The following DOK6 variants were observed in gnomAD, a reference collection of about 807,000 sequenced individuals.
The protein encoded by DOK6 is docking protein 6.
A neutral mutation model predicts 44.0 loss-of-function variants in DOK6; 22 were observed. That is an observed-to-expected ratio of 0.50 (90% CI 0.36 to 0.71). The LOEUF (loss-of-function observed/expected upper bound fraction) is 0.71, where lower values mean the gene tolerates loss of function less well. DOK6 is among the 30% of genes least tolerant of loss of function. DOK6 has a pLI of 0.00. For synonymous variants in DOK6, 166 were observed against 145.5 expected, an observed-to-expected ratio of 1.14 and a Z score of -1.01; for missense variants, 340 against 416.4, an observed-to-expected ratio of 0.82 and a Z score of 1.60.
chr18:69,735,674 G>C (rs918621051), intron 5 of DOK6, among the ~76,000 whole-genome samples: 2 of 152,178 alleles, frequency 1.3e-5, no homozygotes, highest in Non-Finnish European at 2.9e-5. Flanking sequence ...AGCTATTCAG[G>C]CTCCAGGCTG....
rs144666347 is a variant in DOK6, at chr18:69,831,574, T to C, written c.857-9670T>C. ...TCAATGAACAGTGGTTATTATATTA[T>C]GGCTTTTCTACATCACTGTCTTTAT... is the stretch of plus-strand genomic sequence containing the variant. On this transcript the variant is annotated intron_variant, in intron 7 of 7. Transcript: ENST00000382713. Among the ~76,000 whole-genome samples, 750 of 152,328 alleles carry C rather than the reference T, an allele frequency of 4.9e-3. 24 individuals carry two copies. The highest frequency in any genetic ancestry group is 0.04 in the Admixed American group (615 of 15,294).
At chr18:69,484,587 G>A (rs1193715712) in intron 1 of DOK6, among the ~76,000 whole-genome samples, 1 of 152,118 alleles carries the variant, frequency 6.6e-6, no homozygotes, top group East Asian at 1.9e-4. Context: ...GGTTCTCAGA[G>A]CCTCAGGTCA....
At chr18:69,596,286 C>A (rs1166799984) in intron 2 of DOK6, among the ~76,000 whole-genome samples, 3 of 151,944 alleles carry the variant, frequency 2.0e-5, no homozygotes, top group African/African-American at 7.3e-5. Context: ...AGAAATCAGC[C>A]TGCAAATAGT....
At chr18:69,527,938 C>CG (rs751850252) in intron 1 of DOK6, among the ~76,000 whole-genome samples, 24 of 152,080 alleles carry the variant, frequency 1.6e-4, no homozygotes, top group Admixed American at 5.2e-4. Flanking sequence ...CCAAGGCGGG[C>CG]GGATCACGAG....
At chr18:69,572,273 T>C (rs987830524) in intron 2 of DOK6, among the ~76,000 whole-genome samples, 5 of 152,094 alleles carry the variant, frequency 3.3e-5, no homozygotes, top group Admixed American at 6.6e-5. Flanking sequence ...GAATTAAGTG[T>C]CGGGTGTGAA....
chr18:69,431,525 C>G (rs2122424056), intron 1 of DOK6, among the ~76,000 whole-genome samples: 1 of 152,210 alleles, frequency 6.6e-6, no homozygotes, highest in African/African-American at 2.4e-5. Context: ...CTTATGCTGC[C>G]CTTGGTTTTA....
intron 5 of DOK6, among the ~76,000 whole-genome samples, chr18:69,724,626 G>T (rs769254763): frequency 1.3e-5 from 2 of 152,206 alleles, no homozygotes; most frequent in Non-Finnish European, 2.9e-5. Flanking sequence ...GTTGAGAAAA[G>T]TAGAAGAGAT....
chr18:69,571,664 A>G (rs1326413893), intron 2 of DOK6, among the ~76,000 whole-genome samples: 1 of 152,138 alleles, frequency 6.6e-6, no homozygotes, highest in African/African-American at 2.4e-5. Flanking sequence ...CAACAGTATC[A>G]ATTCATCAGG....
intron 1 of DOK6, among the ~76,000 whole-genome samples, chr18:69,546,415 A>G (rs1253049261): frequency 6.6e-6 from 1 of 151,498 alleles, no homozygotes; most frequent in Admixed American, 6.6e-5. Flanking sequence ...TGAACCTCTC[A>G]CTTTCTACCT....
rs185767205 is a variant in DOK6 at position 69,599,486 on chromosome 18, G to T, written c.277G>T (p.Ala93Ser). 5.0e-6 allele frequency: 8 copies of T among 1,613,758 alleles called. No homozygotes were observed. The East Asian group carries it at 8.9e-5, about 18-fold the overall frequency. Residue 93 changes from alanine (A) to serine (S), a missense_variant, in exon 3 of 8, where the codon GCC becomes TCC. This residue lies in a region of DOK6 where 206 missense variants were observed against 258.6 expected (regional missense o/e 0.80). Coordinates refer to ENST00000382713, the MANE Select transcript of DOK6 (RefSeq NM_152721.6). ...IFHDETSKTF[A>S]CESELEAEEW... ...TCACGATGAAACATCGAAGACATTTGCCTGTGAGTCAGGTAAGCTATTATT... is the reference window on the plus strand; with the variant it reads ...TCACGATGAAACATCGAAGACATTTTCCTGTGAGTCAGGTAAGCTATTATT...
intron 5 of DOK6, among the ~76,000 whole-genome samples, chr18:69,708,481 A>G (rs1386845228): frequency 1.3e-5 from 2 of 152,154 alleles, no homozygotes; most frequent in Non-Finnish European, 2.9e-5. Flanking sequence ...TGATATGAGG[A>G]TCAAATGAAA....
intron 2 of DOK6, among the ~76,000 whole-genome samples, chr18:69,596,612 C>T (rs575654262): frequency 9.1e-4 from 137 of 149,770 alleles, no homozygotes; most frequent in African/African-American, 2.5e-3. Flanking sequence ...AAAAAAAACA[C>T]GCCCACAAAG....
chr18:69,746,532 AG>A (rs1978992014), intron 6 of DOK6, among the ~76,000 whole-genome samples: 1 of 152,222 alleles, frequency 6.6e-6, no homozygotes, highest in Non-Finnish European at 1.5e-5. Context: ...CTAGGATTAC[AG>A]GCATGAGCCA....
intron 1 of DOK6, among the ~76,000 whole-genome samples, chr18:69,426,494 A>G (rs894769070): frequency 5.3e-5 from 8 of 152,230 alleles, no homozygotes; most frequent in Non-Finnish European, 8.8e-5. Flanking sequence ...CAGATCACCT[A>G]TGAAAGTCGT....
intron 7 of DOK6, among the ~76,000 whole-genome samples, chr18:69,765,345 T>C (rs1979685038): frequency 3.3e-5 from 5 of 152,238 alleles, no homozygotes; most frequent in Admixed American, 3.3e-4. Flanking sequence ...CTTCTGTCTA[T>C]TAAACCTTAT....
intron 3 of DOK6, among the ~76,000 whole-genome samples, chr18:69,669,029 C>G (rs974730718): frequency 6.6e-6 from 1 of 152,142 alleles, no homozygotes; most frequent in African/African-American, 2.4e-5. Context: ...ATGTTACTTA[C>G]AGGACCCTAA....
intron 4 of DOK6, among the ~76,000 whole-genome samples, chr18:69,681,506 G>A (rs1986043731): frequency 6.6e-6 from 1 of 152,088 alleles, no homozygotes; most frequent in Admixed American, 6.6e-5. Flanking sequence ...CACATGGTAT[G>A]GGGAAAGTTA....
intron 2 of DOK6, among the ~76,000 whole-genome samples, chr18:69,575,294 A>T (rs908144077): frequency 3.9e-5 from 6 of 152,072 alleles, no homozygotes; most frequent in Non-Finnish European, 8.8e-5. Flanking sequence ...GCATGGTATG[A>T]GGCATCTATG....
At chr18:69,623,637 A>G (rs1389210713) in intron 3 of DOK6, among the ~76,000 whole-genome samples, 3 of 152,210 alleles carry the variant, frequency 2.0e-5, no homozygotes, top group Non-Finnish European at 4.4e-5. Context: ...GACGCTGGGC[A>G]AACTTCTAAA....
Sources: gnomAD v4.1 joint callset for allele counts (sites outside exome capture counted in the v4.1 genomes callset) on GRCh38, gnomAD v4.1.1 for gene constraint, gnomAD v4.1.1 regional missense constraint, MANE v1.5 for transcripts, NCBI Gene and HGNC (gene_info 2026-07-23, HGNC 2026-07-21) for gene names.